The following ACAD11 variants were observed in gnomAD, a reference collection of about 807,000 sequenced individuals.
ACAD11 encodes the protein acyl-Coenzyme A dehydrogenase family, member 11.
ACAD11 carries 83 observed loss-of-function variants against 102.2 expected under a neutral mutation model. That is an observed-to-expected ratio of 0.81 (90% CI 0.68 to 0.97). The LOEUF (loss-of-function observed/expected upper bound fraction) is 0.97. ACAD11 is among the 50% of genes least tolerant of loss of function. The pLI, the probability that ACAD11 is intolerant of heterozygous loss-of-function variation, is 0.00. For synonymous variants in ACAD11, 324 were observed against 319.8 expected, an observed-to-expected ratio of 1.01 and a Z score of -0.14; for missense variants, 901 against 951.7, an observed-to-expected ratio of 0.95 and a Z score of 0.70.
At chr3:132,617,471 C>A (rs1163352408) in intron 11 of ACAD11, among the ~76,000 whole-genome samples, 9 of 152,166 alleles carry the variant, frequency 5.9e-5, no homozygotes, top group Non-Finnish European at 1.3e-4. Context: ...TCCATTAATA[C>A]CCCATATCCA....
At chr3:132,659,451 C>T in intron 1 of ACAD11, 152 bp downstream of exon 1, 1 of 1,078,210 alleles carries the variant, frequency 9.3e-7, no homozygotes, top group Non-Finnish European at 1.3e-6. Context: ...TTCGGAGGGC[C>T]GGCAATAGCA....
intron 9 of ACAD11, among the ~76,000 whole-genome samples, chr3:132,624,115 G>C (rs1939710040): frequency 6.6e-6 from 1 of 151,326 alleles, no homozygotes; most frequent in African/African-American, 2.4e-5. Flanking sequence ...AGTAGTTCTG[G>C]GCAACAGAGT....
At chr3:132,644,928 T>A in intron 1 of ACAD11, 32 bp from the exon 2 acceptor site, 1 of 1,301,462 alleles carries the variant, frequency 7.7e-7, no homozygotes, top group Non-Finnish European at 1.1e-6. Flanking sequence ...AAAGGTCAAT[T>A]ACAAAGATAT....
At chr3:132,632,541 G>A (rs1940091128) in intron 5 of ACAD11, among the ~76,000 whole-genome samples, 1 of 152,192 alleles carries the variant, frequency 6.6e-6, no homozygotes, top group South Asian at 2.1e-4. Flanking sequence ...TTTTGGCTTA[G>A]AATTGACTTG....
intron 4 of ACAD11, among the ~76,000 whole-genome samples, chr3:132,641,164 T>C (rs1391550012): frequency 6.6e-6 from 1 of 152,182 alleles, no homozygotes; most frequent in Non-Finnish European, 1.5e-5. Flanking sequence ...ACCTATTGTA[T>C]ATTTTTCTTG....
chr3:132,587,122 T>C (rs971577206), intron 13 of ACAD11, among the ~76,000 whole-genome samples: 2 of 151,950 alleles, frequency 1.3e-5, no homozygotes, highest in Non-Finnish European at 2.9e-5. Flanking sequence ...AAAACAAAAC[T>C]CTGGTACGTG....
chr3:132,658,411 T>A (rs556717414), intron 1 of ACAD11, among the ~76,000 whole-genome samples: 1 of 152,364 alleles, frequency 6.6e-6, no homozygotes, highest in South Asian at 2.1e-4. Context: ...GGTTTAACAT[T>A]CAGCTTGGTT....
chr3:132,626,378 G>A (rs1345879385), intron 9 of ACAD11, among the ~76,000 whole-genome samples: 2 of 151,540 alleles, frequency 1.3e-5, no homozygotes, highest in African/African-American at 4.9e-5. Context: ...ATTCTCAAAG[G>A]GGTCCATATT....
chr3:132,577,057 T>TA, intron 15 of ACAD11, 42 bp from the exon 16 acceptor site: 1 of 1,176,358 alleles, frequency 8.5e-7, no homozygotes, highest in Non-Finnish European at 1.2e-6. Context: ...AGGAGTTGAC[T>TA]AAAAAAGAGT....
chr3:132,603,433 G>A lies in ACAD11; in HGVS notation c.1523-106C>T. On this transcript the variant is annotated intron_variant, in intron 12 of 19. Coordinates refer to ENST00000264990, the MANE Select transcript of ACAD11 (RefSeq NM_032169.5). ...CAAAGACATCTTTATCTTTTTCAATGTCCTTTCACTCCCCATTCCACCCTG... is the reference window on the plus strand; with the variant it reads ...CAAAGACATCTTTATCTTTTTCAATATCCTTTCACTCCCCATTCCACCCTG... 4.3e-6 allele frequency: 4 copies of A among 922,448 alleles called. No homozygotes were observed. In the East Asian group the frequency reaches 1.0e-4, roughly 23 times the overall value. The allele number at this position is 922,448 out of a possible 1,614,324, so 57.1% of individuals were successfully genotyped here. A position where few individuals can be genotyped will look rare whatever the true frequency, so the allele number is the denominator to read the frequency against.
intron 1 of ACAD11, among the ~76,000 whole-genome samples, chr3:132,653,329 T>C (rs1358271160): frequency 2.0e-5 from 3 of 152,150 alleles, no homozygotes; most frequent in Non-Finnish European, 4.4e-5. Context: ...AGCAATCAGA[T>C]GAGAACTTCC....
chr3:132,626,392 A>T (rs889892132), intron 9 of ACAD11, among the ~76,000 whole-genome samples: 4 of 144,074 alleles, frequency 2.8e-5, no homozygotes, highest in African/African-American at 7.6e-5. Context: ...CCATATTTAC[A>T]AAAAAAAAAA....
At chr3:132,626,330 A>T (rs1939807299) in intron 9 of ACAD11, among the ~76,000 whole-genome samples, 1 of 151,884 alleles carries the variant, frequency 6.6e-6, no homozygotes, top group Non-Finnish European at 1.5e-5. Context: ...AAAATTCTCT[A>T]GGTGTGTCCA....
At chr3:132,591,625 CATATCT>C (rs1184491613) in intron 13 of ACAD11, among the ~76,000 whole-genome samples, 1 of 152,164 alleles carries the variant, frequency 6.6e-6, no homozygotes, top group African/African-American at 2.4e-5. Flanking sequence ...CATGATGACT[CATATCT>C]GTAATCCCAG....
Position 132,586,309 on chromosome 3 carries a change from G to A in ACAD11, c.1622-6751C>T, listed in dbSNP as rs148646406. 3.9e-3 allele frequency among the ~76,000 whole-genome samples: 587 copies of A among 152,240 alleles called. 6 individuals carry two copies. Among genetic ancestry groups the A allele is most frequent in the African/African-American group, 0.013 (525 of 41,552 alleles). On this transcript the variant is annotated intron_variant, in intron 13 of 19. Transcript: ENST00000264990. ...TGAACAATGAGAACACATGGACACAGGAAGGGGAACATCACACACCAGAGC... is the reference window on the plus strand; with the variant it reads ...TGAACAATGAGAACACATGGACACAAGAAGGGGAACATCACACACCAGAGC...
chr3:132,573,439 T>A (rs1937441199), intron 17 of ACAD11, among the ~76,000 whole-genome samples: 1 of 152,174 alleles, frequency 6.6e-6, no homozygotes, highest in Non-Finnish European at 1.5e-5. Context: ...TTTTGATATA[T>A]TGGGTTAAAT....
At chr3:132,623,170 T>C (rs1041594431) in intron 9 of ACAD11, among the ~76,000 whole-genome samples, 1 of 152,174 alleles carries the variant, frequency 6.6e-6, no homozygotes, top group Admixed American at 6.5e-5. Flanking sequence ...ATAGTTTAAA[T>C]GAAGCTTATG....
intron 11 of ACAD11, among the ~76,000 whole-genome samples, chr3:132,616,576 T>TATCC (rs767761952): frequency 6.6e-5 from 10 of 152,186 alleles, no homozygotes; most frequent in South Asian, 2.1e-4. Flanking sequence ...GTTTCAATAA[T>TATCC]ATCCATCCAT....
At chr3:132,585,835 G>C (rs1014521087) in intron 13 of ACAD11, among the ~76,000 whole-genome samples, 1 of 152,114 alleles carries the variant, frequency 6.6e-6, no homozygotes, top group East Asian at 1.9e-4. Context: ...AAAAAGTCAG[G>C]AAACAACAGG....
Sources: allele counts gnomAD v4.1 joint callset (sites outside exome capture counted in the v4.1 genomes callset), GRCh38; gene constraint gnomAD v4.1.1; transcripts MANE v1.5; gene names NCBI Gene and HGNC (gene_info 2026-07-23, HGNC 2026-07-21).